The following SAMD8 variants were observed in gnomAD, a reference collection of about 807,000 sequenced individuals.
SAMD8 encodes the protein sterile alpha motif domain containing 8, also known as sphingomyelin synthase-related protein 1.
In SAMD8, 20 loss-of-function variants were observed where a neutral mutation model predicts 42.0. The ratio of observed to expected loss-of-function variants is 0.48; its 90% CI spans 0.34 to 0.69. The LOEUF (loss-of-function observed/expected upper bound fraction) is 0.69. SAMD8 is among the 30% of genes least tolerant of loss of function. The pLI, the probability that SAMD8 is intolerant of heterozygous loss-of-function variation, is 0.01. For synonymous variants in SAMD8, 162 were observed against 173.0 expected (o/e 0.94, Z 0.50); for missense variants, 328 against 511.6 (o/e 0.64, Z 3.46).
At chr10:75,101,537 G>A (rs1848159290) in intron 1 of SAMD8, among the ~76,000 whole-genome samples, 2 of 152,262 alleles carry the variant, frequency 1.3e-5, no homozygotes, top group African/African-American at 4.8e-5. Context: ...GACAGAGCTA[G>A]GTGCTCACAT....
intron 1 of SAMD8, among the ~76,000 whole-genome samples, chr10:75,101,681 A>G (rs1317554684): frequency 2.4e-4 from 37 of 152,198 alleles, no homozygotes; most frequent in Admixed American, 2.4e-3. Flanking sequence ...TGTGGGAGTC[A>G]GGATTCAAAC....
chr10:75,124,126 TAAAC>T (rs1020180187), intron 1 of SAMD8, among the ~76,000 whole-genome samples: 5 of 152,084 alleles, frequency 3.3e-5, no homozygotes, highest in Non-Finnish European at 7.4e-5. Context: ...TATGGCAAAA[TAAAC>T]AAACAAAACA....
chr10:75,107,920 G>C, upstream of SAMD8: 2 of 1,486,966 alleles, frequency 1.3e-6, no homozygotes, highest in Non-Finnish European at 1.8e-6. Context: ...GGGCACTGAT[G>C]ACTGAGAGGA....
intron 1 of SAMD8, among the ~76,000 whole-genome samples, chr10:75,119,707 G>C (rs1181564095): frequency 6.6e-6 from 1 of 152,182 alleles, no homozygotes; most frequent in Non-Finnish European, 1.5e-5. Context: ...TCTGAACATG[G>C]ATTTTGCTTC....
chr10:75,108,329 A>G, upstream of SAMD8: 2 of 1,455,514 alleles, frequency 1.4e-6, no homozygotes, highest in East Asian at 2.4e-5. Context: ...GTCCAACCCC[A>G]GCAAGCTCCA....
At chr10:75,158,184 A>C (rs1027738708) in intron 2 of SAMD8, among the ~76,000 whole-genome samples, 3 of 151,958 alleles carry the variant, frequency 2.0e-5, no homozygotes, top group African/African-American at 7.3e-5. Context: ...AAAAGAAGGA[A>C]GTAAAGGATA....
chr10:75,179,999 T>A lies in SAMD8; in HGVS notation c.*3307T>A, dbSNP rs1841052173. 1 of 152,000 alleles carries A rather than the reference T, an allele frequency of 6.6e-6. No individual in the cohort carries two copies. 9.4% of individuals were successfully genotyped at this position (152,000 alleles called of 1,614,324 possible). On this transcript the variant is annotated 3_prime_UTR_variant, in exon 6 of 6. Transcript: ENST00000542569. ...GCATTTTCTGTGTTCCTGGCAGCAGTGTTGCCTTTTTTTTTCTTTTCCTTT... is the reference window on the plus strand; with the variant it reads ...GCATTTTCTGTGTTCCTGGCAGCAGAGTTGCCTTTTTTTTTCTTTTCCTTT...
rs372822872 is a variant in SAMD8, at chr10:75,150,985, A to C, written c.457A>C (p.Ile153Leu). Residue 153 changes from isoleucine (I) to leucine (L), a missense_variant, in exon 2 of 6, where the codon ATA (isoleucine) becomes CTA (leucine). Physicochemically the swap from Ile to Leu is conservative, Grantham distance 5. Coordinates refer to ENST00000542569, the MANE Select transcript of SAMD8 (RefSeq NM_001174156.2). Reference protein sequence around the residue: ...RRLDPEYWKTILSCIYVFIVF... With the variant: ...RRLDPEYWKTLLSCIYVFIVF... ...ATTGGACCCAGAATACTGGAAGACTATACTGAGTTGTATATATGTTTTTAT... is the reference window on the plus strand; with the variant it reads ...ATTGGACCCAGAATACTGGAAGACTCTACTGAGTTGTATATATGTTTTTAT... The C allele has an allele frequency of 3.1e-6, 5 of 1,612,870 alleles. No homozygotes were observed. Among genetic ancestry groups the C allele is most frequent in the Non-Finnish European group, 4.2e-6 (5 of 1,179,560 alleles).
intron 1 of SAMD8, among the ~76,000 whole-genome samples, chr10:75,127,567 T>C (rs1482055664): frequency 6.6e-6 from 1 of 152,238 alleles, no homozygotes; most frequent in Non-Finnish European, 1.5e-5. Flanking sequence ...GAATGTTAGC[T>C]AATTTATTGT....
At chr10:75,141,891 G>A (rs1452147551) in intron 1 of SAMD8, among the ~76,000 whole-genome samples, 1 of 151,276 alleles carries the variant, frequency 6.6e-6, no homozygotes, top group Non-Finnish European at 1.5e-5. Context: ...AACTTCTGAT[G>A]TTTTGTAGAA....
At chr10:75,103,429 G>A (rs530346097) in intron 1 of SAMD8, among the ~76,000 whole-genome samples, 40 of 152,302 alleles carry the variant, frequency 2.6e-4, no homozygotes, top group African/African-American at 9.1e-4. Flanking sequence ...CCCACCCTCT[G>A]CCAAGCTCCT....
upstream of SAMD8, among the ~76,000 whole-genome samples, chr10:75,107,011 G>A (rs556174902): frequency 3.6e-3 from 552 of 152,316 alleles, 1 homozygote; most frequent in Middle Eastern, 0.01. Flanking sequence ...TGTATCCTGA[G>A]TATTTGAAGA....
At position 75,150,623 on chromosome 10, in the gene SAMD8, T is replaced by C. The variant is rs1840267410; in HGVS notation, c.95T>C (p.Ile32Thr). 6.2e-7 allele frequency: 1 copy of C among 1,614,208 alleles called. No individual in the cohort carries two copies. The highest frequency in any genetic ancestry group is 8.5e-7 in the Non-Finnish European group (1 of 1,180,036). Reference sequence around the variant, plus strand: ...GAAGGCTTTTTTGAATATGTGGACATTTTATGCAATAAGCACCGACTTGAT... The same window carrying C: ...GAAGGCTTTTTTGAATATGTGGACACTTTATGCAATAAGCACCGACTTGAT... ...KDEGFFEYVDILCNKHRLDGI... is the reference protein window; with the variant it reads ...KDEGFFEYVDTLCNKHRLDGI... Residue 32 changes from isoleucine to threonine, a missense_variant, in exon 2 of 6, where the codon ATT (isoleucine) becomes ACT (threonine). By Grantham distance (89) the Ile-to-Thr change is moderately conservative. Around this residue, in one of 2 missense-constraint regions of SAMD8, gnomAD observed 150 missense variants for 186.0 expected, o/e 0.81. Transcript: ENST00000542569.
chr10:75,169,035 G>A (rs946480568), intron 4 of SAMD8, among the ~76,000 whole-genome samples: 3 of 151,676 alleles, frequency 2.0e-5, no homozygotes, highest in African/African-American at 7.3e-5. Context: ...GTTGGGCGTG[G>A]TGGTGGGCAC....
chr10:75,101,468 T>C (rs1455029722), intron 1 of SAMD8, among the ~76,000 whole-genome samples: 1 of 152,246 alleles, frequency 6.6e-6, no homozygotes, highest in Non-Finnish European at 1.5e-5. Context: ...TTGATATTTC[T>C]TTCTCTGTCC....
Position 75,177,782 on chromosome 10 carries a change from CTATT to C in SAMD8, c.*1093_*1096del, listed in dbSNP as rs770517327. The stretch of plus-strand genomic sequence containing the variant: ...ATATAATGGTGTATATACATTCTTT[CTATT>C]TAGTCTTAATTTGGCAGTCAGGAAG... On this transcript the variant is annotated 3_prime_UTR_variant, in exon 6 of 6. Transcript: ENST00000542569. 7.9e-5 allele frequency: 12 copies of C among 152,190 alleles called. No individual in the cohort carries two copies. Among genetic ancestry groups the C allele is most frequent in the Admixed American group, 7.9e-4 (12 of 15,278 alleles). The allele number at this position is 152,190 out of a possible 1,614,324, so 9.4% of individuals were successfully genotyped here.
At chr10:75,165,958 CAG>C (rs925868880) in intron 3 of SAMD8, among the ~76,000 whole-genome samples, 2 of 119,406 alleles carry the variant, frequency 1.7e-5, no homozygotes, top group Non-Finnish European at 3.2e-5. Context: ...CGTGGGGTGA[CAG>C]AGCCAGACCC....
At chr10:75,103,814 C>T in intron 1 of SAMD8, 1 of 1,118,436 alleles carries the variant, frequency 8.9e-7, no homozygotes, top group Non-Finnish European at 1.2e-6. Context: ...CTCTCTCCTC[C>T]CCTCCCCACT....
intron 1 of SAMD8, among the ~76,000 whole-genome samples, chr10:75,137,331 G>T (rs916887926): frequency 1.3e-5 from 2 of 152,152 alleles, no homozygotes; most frequent in Admixed American, 1.3e-4. Flanking sequence ...TTTGAGGTCA[G>T]GAGTTCGAGA....
Sources: allele counts gnomAD v4.1 joint callset (sites outside exome capture counted in the v4.1 genomes callset), GRCh38; gene constraint gnomAD v4.1.1; regional missense constraint gnomAD v4.1.1; transcripts MANE v1.5; gene names NCBI Gene and HGNC (gene_info 2026-07-23, HGNC 2026-07-21).